Variants in CDH23 observed in about 807,000 individuals in gnomAD.
CDH23 encodes the protein cadherin related 23.
In CDH23, 189 loss-of-function variants were observed where a neutral mutation model predicts 317.1. The ratio of observed to expected loss-of-function variants is 0.60; its 90% CI spans 0.53 to 0.67. The LOEUF is 0.67. Ranked by LOEUF, CDH23 falls within the 30% of genes least tolerant of loss-of-function variation. The pLI, the probability that CDH23 is intolerant of heterozygous loss-of-function variation, is 0.00. For synonymous variants in CDH23, 1,839 were observed against 1,876.8 expected (o/e 0.98, Z 0.52); for missense variants, 4,401 against 4,592.4 (o/e 0.96, Z 1.20).
chr10:71,633,980 A>G (rs555424906), intron 11 of CDH23, among the ~76,000 whole-genome samples: 56 of 152,294 alleles, frequency 3.7e-4, no homozygotes, highest in African/African-American at 1.3e-3. Flanking sequence ...TCCCCTCCTG[A>G]TTTCCATAAG....
chr10:71,538,188 C>T (rs574877179), intron 6 of CDH23, among the ~76,000 whole-genome samples: 2 of 152,168 alleles, frequency 1.3e-5, no homozygotes, highest in Admixed American at 1.3e-4. Context: ...AGAACAACTA[C>T]GAAAGTGATC....
At chr10:71,737,689 C>CA in intron 34 of CDH23, 1 of 470,006 alleles carries the variant, frequency 2.1e-6, no homozygotes, top group South Asian at 1.5e-5. Context: ...TGAGCTCCTC[C>CA]AACCCCCCTC....
intron 3 of CDH23, among the ~76,000 whole-genome samples, chr10:71,463,748 T>C (rs1348078744): frequency 6.6e-6 from 1 of 152,234 alleles, no homozygotes; most frequent in Non-Finnish European, 1.5e-5. Flanking sequence ...ATGGTAGAAC[T>C]TCACCTGTTT....
At chr10:71,780,173 G>A (rs9415998) in intron 41 of CDH23, among the ~76,000 whole-genome samples, 78,863 of 152,014 alleles carry the variant, frequency 0.52, 20,808 homozygotes, top group Middle Eastern at 0.71. Context: ...TTTTTAATTG[G>A]TCGTGCAGGA....
At chr10:71,510,739 T>A (rs1164425235) in intron 4 of CDH23, among the ~76,000 whole-genome samples, 1 of 152,168 alleles carries the variant, frequency 6.6e-6, no homozygotes, top group Non-Finnish European at 1.5e-5. Flanking sequence ...GCTCGGCTTC[T>A]GTCTTTTATT....
intron 1 of CDH23, among the ~76,000 whole-genome samples, chr10:71,429,978 G>A (rs1419093574): frequency 6.6e-6 from 1 of 152,226 alleles, no homozygotes; most frequent in Non-Finnish European, 1.5e-5. Context: ...GCGTTCCAAG[G>A]TGGCTTCGTA....
In CDH23 at chr10:71,706,493, A is replaced by G. The variant is rs553756709; in HGVS notation, c.2954-404A>G. 7.9e-5 allele frequency among the ~76,000 whole-genome samples: 12 copies of G among 152,290 alleles called. No homozygotes were observed. The East Asian group carries it at 2.3e-3, about 29-fold the overall frequency. On this transcript the variant is annotated intron_variant, in intron 25 of 69. Transcript: ENST00000224721. ...CTCAGAGGGCTGCATGTGGTCCTGT[A>G]TGGGAAGCACTCAGCATGGGCTTGG...
chr10:71,493,551 C>T (rs1444434912), intron 3 of CDH23, among the ~76,000 whole-genome samples: 1 of 152,192 alleles, frequency 6.6e-6, no homozygotes, highest in Admixed American at 6.5e-5. Flanking sequence ...TATTATTTCC[C>T]ATTCCACTGG....
chr10:71,558,080 ATCTCCCTCCTGGGT>A (rs56800364), intron 6 of CDH23, among the ~76,000 whole-genome samples: 56,783 of 151,480 alleles, frequency 0.37, 11,133 homozygotes, highest in East Asian at 0.66. Flanking sequence ...TCACTGCAAC[ATCTCCCTCCTGGGT>A]TCAAGCGTTT....
Position 71,809,913 on chromosome 10 carries a change from G to A in CDH23, c.8816G>A (p.Gly2939Asp), listed in dbSNP as rs1841866405. Residue 2939 changes from glycine to aspartate, a missense_variant, in exon 61 of 70, where the codon GGC (glycine) becomes GAC (aspartate). Physicochemically the swap from Gly to Asp is moderately conservative, Grantham distance 94. This residue lies in a region of CDH23 where 1,144 missense variants were observed against 1,138.2 expected (regional missense o/e 1.01). Coordinates refer to ENST00000224721, the MANE Select transcript of CDH23 (RefSeq NM_022124.6). ...GACATTGTGGCCCGAGACCTGGCAGGCCACAACGACACGGCCATCATCGGC... is the reference window on the plus strand; with the variant it reads ...GACATTGTGGCCCGAGACCTGGCAGACCACAACGACACGGCCATCATCGGC... ...VVDIVARDLA[G>D]HNDTAIIGIY... 1 of 1,613,114 alleles carries A rather than the reference G, an allele frequency of 6.2e-7. No homozygotes were observed. Among genetic ancestry groups the A allele is most frequent in the South Asian group, 1.1e-5 (1 of 91,084 alleles).
At chr10:71,535,431 G>A (rs572162202) in intron 6 of CDH23, among the ~76,000 whole-genome samples, 24 of 152,308 alleles carry the variant, frequency 1.6e-4, no homozygotes, top group African/African-American at 5.8e-4. Context: ...CCTCCTGCAT[G>A]AGCCTGACTT....
At chr10:71,694,533 G>A (rs966232443) in intron 21 of CDH23, among the ~76,000 whole-genome samples, 2 of 152,172 alleles carry the variant, frequency 1.3e-5, no homozygotes, top group Non-Finnish European at 2.9e-5. Flanking sequence ...GAGGGCAGGT[G>A]GCAGAAGGCA....
chr10:71,616,113 C>T (rs1319493470), intron 10 of CDH23, among the ~76,000 whole-genome samples: 5 of 152,244 alleles, frequency 3.3e-5, no homozygotes, highest in South Asian at 2.1e-4. Context: ...CAGTCCCGCA[C>T]CCGCTGCAGC....
At chr10:71,742,432 C>T (rs567249512) in intron 38 of CDH23, among the ~76,000 whole-genome samples, 4 of 152,286 alleles carry the variant, frequency 2.6e-5, no homozygotes, top group South Asian at 2.1e-4. Context: ...CACTAACGCT[C>T]GAATGAACAG....
intron 9 of CDH23, among the ~76,000 whole-genome samples, chr10:71,603,982 A>G (rs556804063): frequency 1.4e-4 from 22 of 152,358 alleles, no homozygotes; most frequent in African/African-American, 5.3e-4. Flanking sequence ...GGCAAGCAGC[A>G]TGTGGACTAA....
At chr10:71,813,816 G>A (rs1023614979) in intron 69 of CDH23, among the ~76,000 whole-genome samples, 3 of 152,180 alleles carry the variant, frequency 2.0e-5, no homozygotes, top group East Asian at 1.9e-4. Flanking sequence ...GCTGAGGCAG[G>A]AGAATTGCTG....
Position 71,741,856 on chromosome 10 carries a change from C to G in CDH23, c.4780C>G (p.Arg1594Gly), listed in dbSNP as rs200664666. ...CGCCACACGGCCTGCCCCGCCTGAC[C>G]GCGAGCGCCAGAGCTTCTACCACCT... is the stretch of plus-strand genomic sequence containing the variant. Reference protein sequence around the residue: ...EIATRPAPPDRERQSFYHLVA... With the variant: ...EIATRPAPPDGERQSFYHLVA... The change falls in exon 38 of 70, where the codon CGC (arginine) becomes GGC (glycine). Residue 1594 changes from arginine (R) to glycine (G), a missense_variant. Coordinates refer to ENST00000224721, the MANE Select transcript of CDH23 (RefSeq NM_022124.6). The G allele has an allele frequency of 6.2e-7, 1 of 1,611,036 alleles. No homozygotes were observed. The highest frequency in any genetic ancestry group is 8.5e-7 in the Non-Finnish European group (1 of 1,178,910).
chr10:71,744,400 C>T (rs1839807167), intron 38 of CDH23, among the ~76,000 whole-genome samples: 3 of 152,282 alleles, frequency 2.0e-5, no homozygotes, highest in South Asian at 4.1e-4. Context: ...ATCAGGCTTC[C>T]TTTGGGTCCC....
At chr10:71,643,916 T>C (rs1156559504) in intron 12 of CDH23, 50 bp downstream of exon 12, 2 of 765,268 alleles carry the variant, frequency 2.6e-6, no homozygotes, top group African/African-American at 3.4e-5. Context: ...GGGCTTGTGG[T>C]GGGCACAGTG....
Sources: gnomAD v4.1 joint callset for allele counts (sites outside exome capture counted in the v4.1 genomes callset) on GRCh38, gnomAD v4.1.1 for gene constraint, gnomAD v4.1.1 regional missense constraint, MANE v1.5 for transcripts, NCBI Gene and HGNC (gene_info 2026-07-23, HGNC 2026-07-21) for gene names.